STAB1: variants seen among roughly 807,000 people sequenced by gnomAD.
STAB1 encodes the protein stabilin-1.
STAB1 carries 250 observed loss-of-function variants against 332.4 expected under a neutral mutation model. The observed-to-expected ratio is 0.75, with a 90% confidence interval of 0.68 to 0.84. STAB1 has a LOEUF of 0.84. Ranked by LOEUF, STAB1 falls within the 40% of genes least tolerant of loss-of-function variation. The pLI, the probability that STAB1 is intolerant of heterozygous loss-of-function variation, is 0.00. For synonymous variants in STAB1, 1,475 were observed against 1,390.4 expected (o/e 1.06, Z -1.35); for missense variants, 3,249 against 3,489.7 (o/e 0.93, Z 1.74).
intron 35 of STAB1, 78 bp downstream of exon 35, chr3:52,514,907 G>A: frequency 1.2e-6 from 2 of 1,612,420 alleles, no homozygotes; most frequent in Non-Finnish European, 1.7e-6. Context: ...CTAGTGGGGA[G>A]GGGCGCATGG....
rs1177126113 is a variant in STAB1 at position 52,508,270 on chromosome 3, T to C, written c.2149-3T>C. 8 of 1,610,624 alleles carry C rather than the reference T, an allele frequency of 5.0e-6. No individual in the cohort carries two copies. The highest frequency in any genetic ancestry group is 2.2e-5 in the East Asian group (1 of 44,796). The stretch of plus-strand genomic sequence containing the variant: ...CCTCTTGGACCTGTTCTGTCTCTTA[T>C]AGGAACAAGGCTGCTGCAAAGGTTT... On this transcript the variant is annotated splice_polypyrimidine_tract_variant and splice_region_variant and intron_variant, in intron 20 of 68. Transcript: ENST00000321725.
Position 52,506,732 on chromosome 3 carries a change from G to A in STAB1, c.1871G>A (p.Arg624Lys). The change falls in exon 18 of 69, where the codon AGG becomes AAG. Residue 624 changes from arginine to lysine, a missense_variant. Coordinates refer to ENST00000321725, the MANE Select transcript of STAB1 (RefSeq NM_015136.3). The part of the protein sequence containing the change: ...LLGPEGVPLQ[R>K]VDVMAANGVI... ...GGACCCGAGGGGGTCCCGCTGCAGAGGGTAGACGTGATGGCCGCCAATGGT... is the reference window on the plus strand; with the variant it reads ...GGACCCGAGGGGGTCCCGCTGCAGAAGGTAGACGTGATGGCCGCCAATGGT... 2 of 1,612,474 alleles carry A rather than the reference G, an allele frequency of 1.2e-6. No homozygotes were observed. The highest frequency in any genetic ancestry group is 1.7e-6 in the Non-Finnish European group (2 of 1,179,514).
chr3:52,514,822 C>G lies in STAB1; in HGVS notation c.3800C>G (p.Ala1267Gly). The G allele has an allele frequency of 6.2e-7, 1 of 1,612,874 alleles. No individual in the cohort carries two copies. The highest frequency in any genetic ancestry group is 1.1e-5 in the South Asian group (1 of 91,074). Reference protein sequence around the residue: ...SSRCLHSHAEALREKCVNCTR... With the variant: ...SSRCLHSHAEGLREKCVNCTR... ...CGCTGCCTGCATAGCCACGCTGAGG[C>G]CCTGCGGGTGAGAGGCTGGGGCCAC... The change falls in exon 35 of 69, where the codon GCC becomes GGC. Residue 1267 changes from alanine (A) to glycine (G), a missense_variant. Ala to Gly is a moderately conservative substitution (Grantham distance 60). Transcript: ENST00000321725.
chr3:52,516,207 G>A lies in STAB1; in HGVS notation c.4113G>A (p.Glu1371=), dbSNP rs1226153799. The part of the protein sequence containing the change: ...GFHGTACEVC[E]LGRYGPNCTG... ...ATGGAACGGCCTGTGAGGTGTGTGA[G>A]CTGGGCCGCTACGGGCCCAACTGCA... is the stretch of plus-strand genomic sequence containing the variant. The change falls in exon 38 of 69, where the codon GAG becomes GAA. Residue 1371 remains glutamate (E), a synonymous_variant. Transcript: ENST00000321725. 1.2e-6 allele frequency: 2 copies of A among 1,612,468 alleles called. No individual in the cohort carries two copies. Among genetic ancestry groups the A allele is most frequent in the Non-Finnish European group, 8.5e-7 (1 of 1,179,818 alleles).
At chr3:52,510,532 G>A in intron 25 of STAB1, 25 bp downstream of exon 25, 1 of 1,605,116 alleles carries the variant, frequency 6.2e-7, no homozygotes, top group South Asian at 1.1e-5. Flanking sequence ...AGAAGGGGTG[G>A]GGGCCTTGGT....
Position 52,517,388 on chromosome 3 carries a change from C to T in STAB1, c.4558C>T (p.Gln1520Ter), listed in dbSNP as rs1219816944. 1 of 1,602,550 alleles carries T rather than the reference C, an allele frequency of 6.2e-7. No homozygotes were observed. Among genetic ancestry groups the T allele is most frequent in the East Asian group, 2.2e-5 (1 of 44,754 alleles). Residue 1520 changes from glutamine (Q) to a stop codon, truncating the protein, a stop_gained, in exon 43 of 69, where the codon CAG becomes TAG. Coordinates refer to ENST00000321725, the MANE Select transcript of STAB1 (RefSeq NM_015136.3). LOFTEE classifies it high-confidence loss of function. Reference protein sequence around the residue: ...IHAECIPTGPQQVSCSCREGY... With the variant: ...IHAECIPTGP ...CGCCGAGTGCATCCCCACTGGCCCCCAGCAGGTCAGCATGGCAGGGTTGGA... is the reference window on the plus strand; with the variant it reads ...CGCCGAGTGCATCCCCACTGGCCCCTAGCAGGTCAGCATGGCAGGGTTGGA...
rs1311713959 is a variant in STAB1 at position 52,510,494 on chromosome 3, TG to T, written c.2777del (p.Gly926AlafsTer109). 1.2e-6 allele frequency: 2 copies of T among 1,613,234 alleles called. No homozygotes were observed. On this transcript the variant is annotated frameshift_variant, in exon 25 of 69. Transcript: ENST00000321725. LOFTEE classifies it high-confidence loss of function. ...CACACCGATGCCCTCTGCAGCTATG[TG>T]GGCCCCGGGCAGGTGAGGTGCAGCA... ...GCHTDALCSY[V>X]GPGQSRCTCK...
rs745824087 is a variant in STAB1, at chr3:52,509,248, C to T, written c.2274C>T (p.Cys758=). The change falls in exon 22 of 69, where the codon TGC becomes TGT. Residue 758 remains cysteine (C), a synonymous_variant. Coordinates refer to ENST00000321725, the MANE Select transcript of STAB1 (RefSeq NM_015136.3). Reference sequence around the variant, plus strand: ...TCCAGGGCAATGGGGCCTGCCTCTGCTTCCCAGACTACAAGGGCATCGCCT... The same window carrying T: ...TCCAGGGCAATGGGGCCTGCCTCTGTTTCCCAGACTACAAGGGCATCGCCT... ...DGIQGNGACL[C]FPDYKGIACH... is the part of the protein sequence containing the mutation. 1.2e-6 allele frequency: 2 copies of T among 1,613,590 alleles called. No homozygotes were observed. The highest frequency in any genetic ancestry group is 1.7e-6 in the Non-Finnish European group (2 of 1,179,992).
At position 52,523,887 on chromosome 3, in the gene STAB1, C is replaced by T; in HGVS notation, c.7412C>T (p.Pro2471Leu). The T allele has an allele frequency of 6.2e-7, 1 of 1,604,436 alleles. No homozygotes were observed. The highest frequency in any genetic ancestry group is 2.2e-5 in the East Asian group (1 of 44,784). ...TGTTTGTAGCAGGCAGTGCTGGCGCCTGAAGCCCCACCTGTGGCGGCAGGC... is the reference window on the plus strand; with the variant it reads ...TGTTTGTAGCAGGCAGTGCTGGCGCTTGAAGCCCCACCTGTGGCGGCAGGC... ...APPQPQAVLA[P>L]EAPPVAAGVG... The change falls in exon 67 of 69, where the codon CCT becomes CTT. Residue 2471 changes from proline to leucine, a missense_variant. Physicochemically the swap from Pro to Leu is moderately conservative, Grantham distance 98. Transcript: ENST00000321725.
In STAB1 at chr3:52,512,872, G is replaced by C. The variant is rs755006684; in HGVS notation, c.3072G>C (p.Leu1024=). 1.2e-6 allele frequency: 2 copies of C among 1,611,546 alleles called. No individual in the cohort carries two copies. Among genetic ancestry groups the C allele is most frequent in the Non-Finnish European group, 1.7e-6 (2 of 1,179,912 alleles). The change falls in exon 29 of 69, where the codon CTG becomes CTC. Residue 1024 remains leucine, a synonymous_variant. Coordinates refer to ENST00000321725, the MANE Select transcript of STAB1 (RefSeq NM_015136.3). ...CTGCCGACCGCCGAGTCACAGCCCT[G>C]GTGCCCTCCGAGGCTGCAGTCCGTC... ...TLPADRRVTA[L]VPSEAAVRQL... is the part of the protein sequence containing the mutation.
intron 1 of STAB1, 46 bp downstream of exon 1, chr3:52,495,537 C>A (rs372564883): frequency 7.8e-7 from 1 of 1,278,704 alleles, no homozygotes; most frequent in Admixed American, 3.8e-5. Context: ...TGGGCCCTGC[C>A]GGCCAGCGGT....
intron 26 of STAB1, 54 bp downstream of exon 26, chr3:52,511,799 G>C: frequency 7.1e-7 from 1 of 1,403,632 alleles, no homozygotes; most frequent in South Asian, 1.3e-5. Context: ...GTGAGCCTGG[G>C]CTGCAGCTCT....
At chr3:52,517,428 C>T (rs1191358067) in intron 43 of STAB1, 35 bp downstream of exon 43, 2 of 1,579,584 alleles carry the variant, frequency 1.3e-6, no homozygotes, top group African/African-American at 1.4e-5. Flanking sequence ...GGGCATCATG[C>T]CATGCCCTCA....
intron 2 of STAB1, 94 bp downstream of exon 2, chr3:52,501,396 G>C: frequency 5.8e-6 from 9 of 1,540,184 alleles, no homozygotes; most frequent in South Asian, 1.2e-5. Context: ...ATGAGGAGAA[G>C]CACTCACTTA....
Position 52,524,318 on chromosome 3 carries a change from G to GACTT in STAB1, c.7676_7679dup (p.Phe2560LeufsTer4), listed in dbSNP as rs762314455. The GACTT allele has an allele frequency of 1.4e-5, 23 of 1,613,906 alleles. No individual in the cohort carries two copies. The East Asian group carries it at 2.5e-4, about 17-fold the overall frequency. On this transcript the variant is annotated frameshift_variant, in exon 69 of 69. Coordinates refer to ENST00000321725, the MANE Select transcript of STAB1 (RefSeq NM_015136.3). LOFTEE classifies it high-confidence loss of function. ...CTTCTAGGACTCACTGCTGGAGGAG[G>GACTT]ACTTCCCTGACACCCAGAGGATCCT...
chr3:52,495,553 CAG>C (rs778249720), intron 1 of STAB1, 62 bp downstream of exon 1: 44 of 1,249,534 alleles, frequency 3.5e-5, no homozygotes, highest in Non-Finnish European at 4.3e-5. Context: ...GCGGTGGGAA[CAG>C]GGAGGGACTG....
In STAB1 at chr3:52,523,042, C is replaced by A; in HGVS notation, c.6928C>A (p.Arg2310=). 6.4e-7 allele frequency: 1 copy of A among 1,572,152 alleles called. No individual in the cohort carries two copies. Among genetic ancestry groups the A allele is most frequent in the South Asian group, 1.2e-5 (1 of 83,652 alleles). ...FRVQDVACRC[R]NGFVGDGIST... is the part of the protein sequence containing the mutation. ...TCCTGCAGATGTGGCCTGCCGATGC[C>A]GAAATGGCTTCGTGGGTGACGGGAT... The change falls in exon 63 of 69, where the codon CGA becomes AGA. Residue 2310 remains arginine (R), a synonymous_variant. Coordinates refer to ENST00000321725, the MANE Select transcript of STAB1 (RefSeq NM_015136.3).
chr3:52,515,402 C>T (rs1458819666), intron 36 of STAB1, 21 bp from the exon 37 acceptor site: 1 of 1,611,574 alleles, frequency 6.2e-7, no homozygotes, highest in Non-Finnish European at 8.5e-7. Context: ...GCTGACCCCT[C>T]CTGCCTGTCC....
chr3:52,507,963 T>A lies in STAB1; in HGVS notation c.2085T>A (p.His695Gln). The A allele has an allele frequency of 6.2e-7, 1 of 1,613,690 alleles. No individual in the cohort carries two copies. Among genetic ancestry groups the A allele is most frequent in the African/African-American group, 1.3e-5 (1 of 75,056 alleles). ...DIFPKECVYI[H>Q]DPTGLNVLKK... Reference sequence around the variant, plus strand: ...TCCCCAAGGAGTGTGTCTACATCCATGACCCAACGGGGCTCAATGTGCTAA... The same window carrying A: ...TCCCCAAGGAGTGTGTCTACATCCAAGACCCAACGGGGCTCAATGTGCTAA... The change falls in exon 20 of 69, where the codon CAT becomes CAA. Residue 695 changes from histidine (H) to glutamine (Q), a missense_variant. Physicochemically the swap from His to Gln is conservative, Grantham distance 24 (BLOSUM62 0). Coordinates refer to ENST00000321725, the MANE Select transcript of STAB1 (RefSeq NM_015136.3).
Sources: gnomAD v4.1 joint callset for allele counts on GRCh38, gnomAD v4.1.1 for gene constraint, MANE v1.5 for transcripts, NCBI Gene and HGNC (gene_info 2026-07-23, HGNC 2026-07-21) for gene names.